Variants in SLC9A9 observed in about 807,000 individuals in gnomAD.
SLC9A9 encodes sodium/hydrogen exchanger 9.
A neutral mutation model predicts 77.8 loss-of-function variants in SLC9A9; 62 were observed. The observed-to-expected ratio is 0.80, with a 90% CI of 0.65 to 0.98. SLC9A9 has a LOEUF of 0.98. SLC9A9 is among the 50% of genes least tolerant of loss of function. The pLI is 0.00. For synonymous variants in SLC9A9, 320 were observed against 283.5 expected (o/e 1.13, Z -1.29); for missense variants, 775 against 774.9 (o/e 1.00, Z 0.00).
chr3:143,675,642 T>C (rs1044209503), intron 5 of SLC9A9, among the ~76,000 whole-genome samples: 1 of 152,212 alleles, frequency 6.6e-6, no homozygotes, highest in Admixed American at 6.5e-5. Flanking sequence ...GCAGACACAA[T>C]ATCATACTGA....
chr3:143,297,027 A>G (rs1203117264), intron 14 of SLC9A9, among the ~76,000 whole-genome samples: 1 of 152,176 alleles, frequency 6.6e-6, no homozygotes, highest in Non-Finnish European at 1.5e-5. Context: ...TGACTGTGAT[A>G]TAGTCCCACT....
intron 4 of SLC9A9, among the ~76,000 whole-genome samples, chr3:143,740,712 T>A (rs1576694313): frequency 6.6e-6 from 1 of 152,118 alleles, no homozygotes; most frequent in Non-Finnish European, 1.5e-5. Flanking sequence ...TATAAATGTA[T>A]AAAACACCTC....
rs188762288 is a variant in SLC9A9 at position 143,708,328 on chromosome 3, G to A, written c.534-15021C>T. On this transcript the variant is annotated intron_variant, in intron 4 of 15. Transcript: ENST00000316549. ...CACACCCAGGGGAGAAGAATGAGAG[G>A]AGCAATGAAGGCAGTGCGAGACTCG... Among the ~76,000 whole-genome samples the A allele has an allele frequency of 2.1e-3, 322 of 152,148 alleles. 2 individuals are homozygous for A. The highest frequency in any genetic ancestry group is 5.6e-3 in the Admixed American group (85 of 15,260).
In SLC9A9 at chr3:143,618,628, G is replaced by A. The variant is rs570012391; in HGVS notation, c.755+33627C>T. ...GGTGGCCTTAGGACCAACCTGGCAC[G>A]ATGACAGGAGAATGACCATTCTTCT... On this transcript the variant is annotated intron_variant, in intron 6 of 15. Coordinates refer to ENST00000316549, the MANE Select transcript of SLC9A9 (RefSeq NM_173653.4). Among the ~76,000 whole-genome samples the A allele has an allele frequency of 1.8e-4, 27 of 152,264 alleles. 2 individuals are homozygous for A. The South Asian group carries it at 5.2e-3, about 29-fold the overall frequency.
rs1935250310 is a variant in SLC9A9, at chr3:143,748,401, GC to G, written c.533+46599del. Among the ~76,000 whole-genome samples the G allele has an allele frequency of 3.9e-5, 6 of 152,260 alleles. No individual in the cohort carries two copies. In the South Asian group the frequency reaches 1.2e-3, roughly 32 times the overall value. On this transcript the variant is annotated intron_variant, in intron 4 of 15. Coordinates refer to ENST00000316549, the MANE Select transcript of SLC9A9 (RefSeq NM_173653.4). ...AACTGTCCTCATTAAGATGCTTCAA[GC>G]CCAATGTCTGGACCTCAACTGGCTG...
chr3:143,566,853 C>G (rs116493083), intron 8 of SLC9A9, among the ~76,000 whole-genome samples: 3 of 152,036 alleles, frequency 2.0e-5, no homozygotes, highest in Non-Finnish European at 4.4e-5. Context: ...GAAAACCTGA[C>G]CCCCAAAGTC....
At chr3:143,773,072 G>A (rs1424526792) in intron 4 of SLC9A9, among the ~76,000 whole-genome samples, 1 of 152,140 alleles carries the variant, frequency 6.6e-6, no homozygotes, top group African/African-American at 2.4e-5. Context: ...TTTGATGTAT[G>A]CATTGTTCAA....
intron 9 of SLC9A9, among the ~76,000 whole-genome samples, chr3:143,498,921 TAC>T (rs2035884913): frequency 6.6e-6 from 1 of 152,206 alleles, no homozygotes; most frequent in African/African-American, 2.4e-5. Context: ...TATTACAAGG[TAC>T]TTATTCATAC....
At chr3:143,537,637 TC>T (rs1559958273) in intron 9 of SLC9A9, among the ~76,000 whole-genome samples, 1 of 152,244 alleles carries the variant, frequency 6.6e-6, no homozygotes, top group Non-Finnish European at 1.5e-5. Context: ...TCAGAGATGG[TC>T]CCTTAGAGTT....
At chr3:143,317,876 C>T (rs561559891) in intron 14 of SLC9A9, among the ~76,000 whole-genome samples, 21 of 152,236 alleles carry the variant, frequency 1.4e-4, no homozygotes, top group South Asian at 8.3e-4. Context: ...TACAGGCACC[C>T]GCCACCACGC....
At chr3:143,308,131 C>T (rs529897167) in intron 14 of SLC9A9, among the ~76,000 whole-genome samples, 44 of 152,308 alleles carry the variant, frequency 2.9e-4, no homozygotes, top group African/African-American at 8.7e-4. Flanking sequence ...GATTCTGTTT[C>T]TGTATCTCCA....
At chr3:143,690,153 TATC>T (rs138220777) in intron 5 of SLC9A9, among the ~76,000 whole-genome samples, 2,462 of 152,092 alleles carry the variant, frequency 0.016, 58 homozygotes, top group African/African-American at 0.055. Context: ...AGTTTTTAGT[TATC>T]ATATTTTTAG....
chr3:143,297,544 T>G (rs565617792), intron 14 of SLC9A9, among the ~76,000 whole-genome samples: 133 of 152,328 alleles, frequency 8.7e-4, no homozygotes, highest in South Asian at 4.4e-3. Flanking sequence ...ATATGAATTT[T>G]GGGATTGCCT....
chr3:143,795,088 A>G lies in SLC9A9; in HGVS notation c.457-11T>C. ...TTGAAAAAAGTGTCTCTGGGGAGAAAAAAAGATATTTAATAGAGTACATCA... is the reference window on the plus strand; with the variant it reads ...TTGAAAAAAGTGTCTCTGGGGAGAAGAAAAGATATTTAATAGAGTACATCA... On this transcript the variant is annotated splice_polypyrimidine_tract_variant and intron_variant, in intron 3 of 15. Transcript: ENST00000316549. 1 of 1,609,298 alleles carries G rather than the reference A, an allele frequency of 6.2e-7. No individual in the cohort carries two copies.
At chr3:143,537,629 A>G (rs1313426366) in intron 9 of SLC9A9, among the ~76,000 whole-genome samples, 1 of 152,244 alleles carries the variant, frequency 6.6e-6, no homozygotes, top group Non-Finnish European at 1.5e-5. Flanking sequence ...CAGTTCTTTC[A>G]GAGATGGTCC....
intron 12 of SLC9A9, among the ~76,000 whole-genome samples, chr3:143,436,195 G>A (rs1381471971): frequency 3.3e-5 from 5 of 152,252 alleles, no homozygotes; most frequent in East Asian, 3.9e-4. Context: ...GAACCTCCAC[G>A]AGACTTCCAC....
chr3:143,310,357 C>A (rs1481441347), intron 14 of SLC9A9, among the ~76,000 whole-genome samples: 1 of 152,160 alleles, frequency 6.6e-6, no homozygotes, highest in Admixed American at 6.5e-5. Context: ...TGCACACTTT[C>A]TTCCTTCTCC....
chr3:143,476,674 G>A (rs1379778393), intron 11 of SLC9A9, among the ~76,000 whole-genome samples: 2 of 152,134 alleles, frequency 1.3e-5, no homozygotes, highest in Non-Finnish European at 2.9e-5. Context: ...CCAACTTATG[G>A]GCAGCTTGTG....
chr3:143,700,283 A>G (rs1933758842), intron 4 of SLC9A9, among the ~76,000 whole-genome samples: 1 of 152,136 alleles, frequency 6.6e-6, no homozygotes, highest in Non-Finnish European at 1.5e-5. Flanking sequence ...CTATGGGAAG[A>G]GTCTCCTTCC....
Sources: gnomAD v4.1 joint callset for allele counts (sites outside exome capture counted in the v4.1 genomes callset) on GRCh38, gnomAD v4.1.1 for gene constraint, MANE v1.5 for transcripts, NCBI Gene and HGNC (gene_info 2026-07-23, HGNC 2026-07-21) for gene names.